Variants in LIMK2 observed in about 807,000 individuals in gnomAD.
LIMK2 encodes LIM domain kinase 2.
In LIMK2, 35 loss-of-function variants were observed where a neutral mutation model predicts 75.7. The ratio of observed to expected loss-of-function variants is 0.46; its 90% CI spans 0.35 to 0.61. The LOEUF is 0.61. Among genes scored for constraint, LIMK2 ranks in the 20% least tolerant of loss-of-function variants. The probability of loss-of-function intolerance (pLI) is 0.00; values close to 1 mark genes in which losing one functional copy is unlikely to be tolerated. For missense variants in LIMK2, 623 were observed against 831.0 expected, an observed-to-expected ratio of 0.75 and a Z score of 3.08; for synonymous variants, 301 against 319.2, an observed-to-expected ratio of 0.94 and a Z score of 0.61.
chr22:31,266,593 C>T (rs140697338), intron 8 of LIMK2, among the ~76,000 whole-genome samples: 3 of 152,266 alleles, frequency 2.0e-5, no homozygotes, highest in African/African-American at 7.2e-5. Context: ...GGCTGGAGAG[C>T]TCACCCCCGA....
chr22:31,275,244 A>G lies in LIMK2; in HGVS notation c.1708A>G (p.Thr570Ala). Residue 570 changes from threonine to alanine, a missense_variant, in exon 15 of 16, where the codon ACA becomes GCA. Thr to Ala is a moderately conservative substitution (Grantham distance 58). Transcript: ENST00000331728. Reference protein sequence around the residue: ...VKLFWEKFVPTDCPPAFFPLA... With the variant: ...VKLFWEKFVPADCPPAFFPLA... ...GCTTTTCTGGGAGAAGTTTGTTCCCACAGATTGTCCCCCGGCCTTCTTCCC... is the reference window on the plus strand; with the variant it reads ...GCTTTTCTGGGAGAAGTTTGTTCCCGCAGATTGTCCCCCGGCCTTCTTCCC... 1 of 1,614,132 alleles carries G rather than the reference A, an allele frequency of 6.2e-7. No individual in the cohort carries two copies. The highest frequency in any genetic ancestry group is 8.5e-7 in the Non-Finnish European group (1 of 1,180,018).
chr22:31,253,478 G>A (rs2048745958), intron 2 of LIMK2, among the ~76,000 whole-genome samples: 2 of 152,212 alleles, frequency 1.3e-5, no homozygotes, highest in Non-Finnish European at 2.9e-5. Context: ...TATGAAGGAG[G>A]AGAATTGTGC....
At chr22:31,227,209 A>C (rs1429428560) in intron 2 of LIMK2, among the ~76,000 whole-genome samples, 2 of 152,232 alleles carry the variant, frequency 1.3e-5, no homozygotes, top group Non-Finnish European at 2.9e-5. Context: ...TCCACTCCAG[A>C]GGCTGGATGG....
intron 2 of LIMK2, among the ~76,000 whole-genome samples, chr22:31,255,545 C>T (rs2048769403): frequency 6.6e-6 from 1 of 152,166 alleles, no homozygotes; most frequent in Non-Finnish European, 1.5e-5. Context: ...TCTAGACTTC[C>T]CTAGCTCAGC....
In LIMK2 at chr22:31,278,550, G is replaced by A; in HGVS notation, c.*109G>A. ...CGGGCTTCCTGTGGATTGGCGGAAT[G>A]TTTAGAAGCAGAACAAGCCATTCCT... is the stretch of plus-strand genomic sequence containing the variant. On this transcript the variant is annotated 3_prime_UTR_variant, in exon 16 of 16. Transcript: ENST00000331728. 7.9e-7 allele frequency: 1 copy of A among 1,266,284 alleles called. No individual in the cohort carries two copies. Among genetic ancestry groups the A allele is most frequent in the South Asian group, 1.6e-5 (1 of 64,370 alleles). 78.4% of individuals were successfully genotyped at this position (1,266,284 alleles called of 1,614,324 possible).
At chr22:31,233,878 C>A (rs1343366069) in intron 2 of LIMK2, among the ~76,000 whole-genome samples, 1 of 152,112 alleles carries the variant, frequency 6.6e-6, no homozygotes, top group Non-Finnish European at 1.5e-5. Flanking sequence ...TTACTTCTTT[C>A]CTTTTCTCCC....
chr22:31,246,368 GA>G (rs796156338), intron 2 of LIMK2, among the ~76,000 whole-genome samples: 5,800 of 98,766 alleles, frequency 0.059, 351 homozygotes, highest in African/African-American at 0.18. Context: ...AATCTCAAAA[GA>G]AAAAAAAAAA....
At chr22:31,271,228 C>G (rs1204802602) in intron 12 of LIMK2, 27 bp downstream of exon 12, 1 of 1,599,432 alleles carries the variant, frequency 6.3e-7, no homozygotes. Flanking sequence ...TGGGCCTGGC[C>G]TCCAGGGTCC....
intron 2 of LIMK2, among the ~76,000 whole-genome samples, chr22:31,245,076 C>G (rs1011405420): frequency 7.9e-5 from 12 of 152,224 alleles, no homozygotes; most frequent in Non-Finnish European, 1.5e-4. Context: ...ATGTTTAATA[C>G]AGGGTGAGCA....
At position 31,262,424 on chromosome 22, in the gene LIMK2, C is replaced by T. The variant is rs185860399; in HGVS notation, c.658-171C>T. On this transcript the variant is annotated intron_variant, in intron 6 of 15. Coordinates refer to ENST00000331728, the MANE Select transcript of LIMK2 (RefSeq NM_005569.4). The surrounding 1 kb of genome is among the most constrained non-coding windows in gnomAD (Gnocchi z 5.0). ...CAGGGTAGCAGGGATGGTTGATGGA[C>T]GGGAGAGCTGACAGGATGCCAGGCA... Among the ~76,000 whole-genome samples the T allele has an allele frequency of 5.9e-5, 9 of 152,072 alleles. No homozygotes were observed. The highest frequency in any genetic ancestry group is 3.3e-4 in the Admixed American group (5 of 15,266).
intron 11 of LIMK2, among the ~76,000 whole-genome samples, chr22:31,269,193 C>T (rs1421981352): frequency 6.6e-6 from 1 of 151,892 alleles, no homozygotes; most frequent in Non-Finnish European, 1.5e-5. Flanking sequence ...ACAGCTTCGA[C>T]CTCCTGGGCT....
chr22:31,258,905 C>T (rs2048810751), intron 3 of LIMK2: 1 of 510,692 alleles, frequency 2.0e-6, no homozygotes, highest in Admixed American at 3.2e-5. Flanking sequence ...GATTTCTTCT[C>T]ATAACTGAGA....
intron 2 of LIMK2, among the ~76,000 whole-genome samples, chr22:31,257,232 G>A (rs1250375597): frequency 1.3e-5 from 2 of 151,570 alleles, no homozygotes; most frequent in Admixed American, 1.3e-4. Context: ...AGTGCTAATA[G>A]AATGTTGGGT....
At chr22:31,232,253 GA>G (rs34104927) in intron 2 of LIMK2, among the ~76,000 whole-genome samples, 121 of 130,332 alleles carry the variant, frequency 9.3e-4, no homozygotes, top group African/African-American at 2.3e-3. Flanking sequence ...ACTCCCAGGA[GA>G]AAAAAAAAAA....
intron 2 of LIMK2, among the ~76,000 whole-genome samples, chr22:31,242,013 G>C (rs1018034052): frequency 6.6e-6 from 1 of 152,174 alleles, no homozygotes; most frequent in Non-Finnish European, 1.5e-5. Flanking sequence ...GCTCTAGCAA[G>C]GTATTCAGGA....
intron 15 of LIMK2, among the ~76,000 whole-genome samples, chr22:31,276,478 C>T (rs2049019010): frequency 7.0e-6 from 1 of 142,184 alleles, no homozygotes; most frequent in African/African-American, 2.6e-5. Flanking sequence ...CGGCGGCGGC[C>T]GCAGGGGACA....
rs755843333 is a variant in LIMK2 at position 31,275,257 on chromosome 22, C to T, written c.1721C>T (p.Pro574Leu). Residue 574 changes from proline to leucine, a missense_variant, in exon 15 of 16, where the codon CCG becomes CTG. Around this residue, in one of 3 missense-constraint regions of LIMK2, gnomAD observed 63 missense variants for 122.8 expected, o/e 0.51. Transcript: ENST00000331728. ...WEKFVPTDCP[P>L]AFFPLAAICC... ...AAGTTTGTTCCCACAGATTGTCCCC[C>T]GGCCTTCTTCCCGCTGGCCGCCATC... The T allele has an allele frequency of 5.4e-5, 87 of 1,614,098 alleles. No individual in the cohort carries two copies. Among genetic ancestry groups the T allele is most frequent in the Non-Finnish European group, 6.6e-5 (78 of 1,180,054 alleles).
chr22:31,242,262 A>G (rs1158545158), intron 2 of LIMK2, among the ~76,000 whole-genome samples: 10 of 152,216 alleles, frequency 6.6e-5, no homozygotes, highest in Non-Finnish European at 2.9e-5. Flanking sequence ...CTCCTTTTCT[A>G]AGTGCTTACT....
In LIMK2 at chr22:31,276,648, CAAG is replaced by C. The variant is rs1257318749; in HGVS notation, c.1772+1341_1772+1343del. On this transcript the variant is annotated intron_variant, in intron 15 of 15. Transcript: ENST00000331728. ...GGCGGGCGTCACGGAGGCGGCGGCACAAGGAGGGGCCCCACGCGCGCACGTGGC... is the reference window on the plus strand; with the variant it reads ...GGCGGGCGTCACGGAGGCGGCGGCACGAGGGGCCCCACGCGCGCACGTGGC... The C allele has an allele frequency of 3.5e-5, 35 of 1,009,322 alleles. 1 individual carries two copies. Among genetic ancestry groups the C allele is most frequent in the Non-Finnish European group, 4.1e-5 (35 of 844,960 alleles). The allele number at this position is 1,009,322 out of a possible 1,614,324, so 62.5% of individuals were successfully genotyped here.
Sources: allele counts gnomAD v4.1 joint callset (sites outside exome capture counted in the v4.1 genomes callset), GRCh38; gene constraint gnomAD v4.1.1; regional missense constraint gnomAD v4.1.1; non-coding constraint Gnocchi (gnomAD v3.1); transcripts MANE v1.5; gene names NCBI Gene and HGNC (gene_info 2026-07-23, HGNC 2026-07-21).